The following RORA variants were observed in gnomAD, a reference collection of about 807,000 sequenced individuals.
RORA encodes the protein nuclear receptor ROR-alpha.
Under a neutral mutation model 69.5 loss-of-function variants are expected in RORA, and 7 were observed. The ratio of observed to expected loss-of-function variants is 0.10; its 90% confidence interval spans 0.06 to 0.19. The LOEUF (loss-of-function observed/expected upper bound fraction) is 0.19. Among genes scored for constraint, RORA ranks in the 10% least tolerant of loss-of-function variants. RORA has a pLI of 1.00. For missense variants in RORA, 457 were observed against 663.0 expected, an observed-to-expected ratio of 0.69 and a Z score of 3.41; for synonymous variants, 261 against 240.8, an observed-to-expected ratio of 1.08 and a Z score of -0.78.
At chr15:60,820,503 G>A (rs2072879866) in intron 1 of RORA, among the ~76,000 whole-genome samples, 1 of 152,116 alleles carries the variant, frequency 6.6e-6, no homozygotes, top group South Asian at 2.1e-4. Flanking sequence ...TGAAAATGAG[G>A]CCTGCATTGC....
At chr15:60,859,711 T>G (rs145187658) in intron 1 of RORA, among the ~76,000 whole-genome samples, 1,750 of 150,518 alleles carry the variant, frequency 0.012, 23 homozygotes, top group Non-Finnish European at 0.019. Flanking sequence ...GCTGTAAATT[T>G]TCAGTTTAAC....
intron 1 of RORA, among the ~76,000 whole-genome samples, chr15:60,766,460 T>C (rs183031043): frequency 8.5e-4 from 130 of 152,356 alleles, no homozygotes; most frequent in Middle Eastern, 3.4e-3. Flanking sequence ...AGCTTCCTGC[T>C]GTCAAGCCCA....
At chr15:60,971,959 C>T (rs531748156) in intron 1 of RORA, among the ~76,000 whole-genome samples, 3 of 152,294 alleles carry the variant, frequency 2.0e-5, no homozygotes, top group East Asian at 1.9e-4. Context: ...CCTTGGCCCT[C>T]CAGGCCTAAG....
chr15:60,656,273 G>A (rs1453507817), intron 2 of RORA, among the ~76,000 whole-genome samples: 1 of 152,060 alleles, frequency 6.6e-6, no homozygotes, highest in Non-Finnish European at 1.5e-5. Flanking sequence ...TCAAAACTAG[G>A]GCCTTCTGAG....
At chr15:60,620,392 T>C (rs77840781) in intron 2 of RORA, among the ~76,000 whole-genome samples, 3,512 of 152,296 alleles carry the variant, frequency 0.023, 124 homozygotes, top group African/African-American at 0.079. Context: ...ACCTACTTCA[T>C]AGGCCGTCAT....
intron 1 of RORA, among the ~76,000 whole-genome samples, chr15:60,696,753 A>T (rs921413811): frequency 3.3e-5 from 5 of 152,240 alleles, no homozygotes; most frequent in African/African-American, 1.2e-4. Context: ...TTCTAGGAAA[A>T]GCACCTGCAG....
intron 1 of RORA, among the ~76,000 whole-genome samples, chr15:61,179,280 G>A (rs1193665157): frequency 6.6e-6 from 1 of 152,208 alleles, no homozygotes; most frequent in South Asian, 2.1e-4. Context: ...TTGACAAATA[G>A]TAGAGTTTTC....
rs560369143 is a variant in RORA at position 60,685,766 on chromosome 15, C to T, written c.167-7080G>A. Among the ~76,000 whole-genome samples, 12 of 152,204 alleles carry T rather than the reference C, an allele frequency of 7.9e-5. 1 individual carries two copies. Among genetic ancestry groups the T allele is most frequent in the African/African-American group, 2.9e-4 (12 of 41,524 alleles). On this transcript the variant is annotated intron_variant, in intron 1 of 10. Coordinates refer to ENST00000335670, the MANE Select transcript of RORA (RefSeq NM_134261.3). Reference sequence around the variant, plus strand: ...AAATTATGTGCCAGGGTTGCAGGGACCAAGGACAACACGTGGAAGGCATCA... The same window carrying T: ...AAATTATGTGCCAGGGTTGCAGGGATCAAGGACAACACGTGGAAGGCATCA...
At chr15:60,697,757 CAT>C (rs1407808743) in intron 1 of RORA, among the ~76,000 whole-genome samples, 1 of 152,134 alleles carries the variant, frequency 6.6e-6, no homozygotes, top group Non-Finnish European at 1.5e-5. Flanking sequence ...CCTCAAATTT[CAT>C]ATGTTATTTT....
intron 1 of RORA, among the ~76,000 whole-genome samples, chr15:61,027,006 CAA>C (rs60196048): frequency 9.8e-5 from 13 of 133,136 alleles, no homozygotes; most frequent in Non-Finnish European, 3.3e-5. Flanking sequence ...TCCTGGCCTG[CAA>C]AAAAAAAAAA....
intron 1 of RORA, among the ~76,000 whole-genome samples, chr15:60,979,815 T>C (rs1380120573): frequency 6.6e-6 from 1 of 152,128 alleles, no homozygotes; most frequent in Non-Finnish European, 1.5e-5. Flanking sequence ...AGTTTTAACT[T>C]CCTTCTTCTA....
At chr15:60,651,943 C>A (rs1426503621) in intron 2 of RORA, among the ~76,000 whole-genome samples, 1 of 152,166 alleles carries the variant, frequency 6.6e-6, no homozygotes, top group African/African-American at 2.4e-5. Context: ...GTGAGCTACA[C>A]TGAGATAACC....
chr15:61,211,752 C>T (rs1266217294), intron 1 of RORA, among the ~76,000 whole-genome samples: 2 of 152,146 alleles, frequency 1.3e-5, no homozygotes, highest in East Asian at 1.9e-4. Flanking sequence ...TAAAGTCAGC[C>T]TATTTGGATC....
At chr15:60,809,198 C>T (rs2072707315) in intron 1 of RORA, among the ~76,000 whole-genome samples, 1 of 152,142 alleles carries the variant, frequency 6.6e-6, no homozygotes, top group South Asian at 2.1e-4. Flanking sequence ...GTAAAAAGTC[C>T]TTCAGCTCTA....
At chr15:60,540,574 C>CCCCCCCCCCCCG in intron 2 of RORA, among the ~76,000 whole-genome samples, 1 of 102,672 alleles carries the variant, frequency 9.7e-6, no homozygotes, top group African/African-American at 4.5e-5. Context: ...ACCCCCCCCC[C>CCCCCCCCCCCCG]CCAAAACTGT....
At chr15:60,710,178 C>T (rs2071123967) in intron 1 of RORA, among the ~76,000 whole-genome samples, 1 of 152,160 alleles carries the variant, frequency 6.6e-6, no homozygotes, top group African/African-American at 2.4e-5. Flanking sequence ...CTTGGGAAGA[C>T]AGGTTTCTCC....
intron 2 of RORA, chr15:60,627,415 T>C: frequency 6.2e-7 from 1 of 1,612,900 alleles, no homozygotes; most frequent in East Asian, 2.2e-5. Context: ...AAACTGGGGC[T>C]GTGCTTTGCC....
chr15:61,124,832 A>G (rs571921871), intron 1 of RORA, among the ~76,000 whole-genome samples: 28 of 152,292 alleles, frequency 1.8e-4, no homozygotes, highest in African/African-American at 6.5e-4. Context: ...TCACTAGCTG[A>G]TTGCTAACCT....
intron 1 of RORA, among the ~76,000 whole-genome samples, chr15:61,132,919 T>C (rs2079204029): frequency 6.6e-6 from 1 of 152,212 alleles, no homozygotes; most frequent in Admixed American, 6.5e-5. Context: ...TCCGGCTATA[T>C]ATCTCTTTGT....
Sources: allele counts gnomAD v4.1 joint callset (sites outside exome capture counted in the v4.1 genomes callset), GRCh38; gene constraint gnomAD v4.1.1; transcripts MANE v1.5; gene names NCBI Gene and HGNC (gene_info 2026-07-23, HGNC 2026-07-21).